The following MAP7 variants were observed in gnomAD, a reference collection of about 807,000 sequenced individuals.
The protein encoded by MAP7 is ensconsin.
In MAP7, 52 loss-of-function variants were observed where a neutral mutation model predicts 94.8. The observed-to-expected ratio is 0.55, with a 90% CI of 0.44 to 0.69. The LOEUF (loss-of-function observed/expected upper bound fraction) is 0.69, where lower values mean the gene tolerates loss of function less well. Among genes scored for constraint, MAP7 ranks in the 30% least tolerant of loss-of-function variants. The probability of loss-of-function intolerance (pLI) is 0.00; values close to 1 mark genes in which losing one functional copy is unlikely to be tolerated. For missense variants in MAP7, 940 were observed against 964.6 expected (o/e 0.97, Z 0.34); for synonymous variants, 350 against 357.0 (o/e 0.98, Z 0.22).
chr6:136,521,684 T>A (rs778462963), intron 1 of MAP7, among the ~76,000 whole-genome samples: 3 of 152,174 alleles, frequency 2.0e-5, no homozygotes, highest in African/African-American at 4.8e-5. Flanking sequence ...AAACATTGTG[T>A]GGATGTCTTG....
At chr6:136,431,492 C>CTTTATTTATTTATTTA (rs10562140) in intron 1 of MAP7, among the ~76,000 whole-genome samples, 43 of 145,460 alleles carry the variant, frequency 3.0e-4, no homozygotes, top group Admixed American at 6.2e-4. Context: ...CTTTTTAATG[C>CTTTATTTATTTATTTA]TTTATTTATT....
chr6:136,354,779 A>G (rs1381852045), intron 16 of MAP7, among the ~76,000 whole-genome samples: 5 of 152,216 alleles, frequency 3.3e-5, no homozygotes, highest in Non-Finnish European at 7.3e-5. Flanking sequence ...AGGCTAAAAT[A>G]TAACAGAATT....
At chr6:136,388,306 T>A (rs555118982) in intron 5 of MAP7, 87 bp downstream of exon 5, 1 of 983,250 alleles carries the variant, frequency 1.0e-6, no homozygotes, top group South Asian at 1.6e-5. Context: ...GATTTTTGTT[T>A]CGCAAACATA....
chr6:136,511,749 T>G (rs1276183996), intron 1 of MAP7, among the ~76,000 whole-genome samples: 1 of 152,226 alleles, frequency 6.6e-6, no homozygotes, highest in Admixed American at 6.5e-5. Context: ...GATTTGTGTA[T>G]GCAAGTTCTC....
chr6:136,457,978 A>C (rs1803904320), intron 1 of MAP7, among the ~76,000 whole-genome samples: 1 of 152,178 alleles, frequency 6.6e-6, no homozygotes, highest in Non-Finnish European at 1.5e-5. Flanking sequence ...TAAGCACTGA[A>C]AAGGAAGAAG....
rs1291800738 is a variant in MAP7, at chr6:136,367,593, A to T, written c.877-1154T>A. 2.6e-5 allele frequency among the ~76,000 whole-genome samples: 4 copies of T among 152,222 alleles called. No homozygotes were observed. In the East Asian group the frequency reaches 7.7e-4, roughly 29 times the overall value. ...GAGGAGCAAAAACATTTAAGTGTCA[A>T]ATAATGCTCATTGTCTCCCTGGGAT... On this transcript the variant is annotated intron_variant, in intron 8 of 17. Coordinates refer to ENST00000354570, the MANE Select transcript of MAP7 (RefSeq NM_003980.6).
intron 10 of MAP7, 109 bp from the exon 11 acceptor site, chr6:136,362,811 A>G (rs1296736287): frequency 2.7e-6 from 4 of 1,466,870 alleles, no homozygotes; most frequent in Non-Finnish European, 3.6e-6. Context: ...TTATGAAAGA[A>G]AAGGGAATGT....
chr6:136,525,022 T>G (rs1827434841), intron 1 of MAP7, among the ~76,000 whole-genome samples: 1 of 152,166 alleles, frequency 6.6e-6, no homozygotes, highest in East Asian at 1.9e-4. Flanking sequence ...GCCTTAAAGC[T>G]CCTTTTTCAA....
chr6:136,435,015 T>C (rs1013845423), intron 1 of MAP7, among the ~76,000 whole-genome samples: 1 of 152,228 alleles, frequency 6.6e-6, no homozygotes, highest in Admixed American at 6.5e-5. Context: ...GCCTAAGCTA[T>C]GGGCCCTTTG....
At chr6:136,505,312 T>G (rs991335996) in intron 1 of MAP7, among the ~76,000 whole-genome samples, 2 of 136,318 alleles carry the variant, frequency 1.5e-5, no homozygotes, top group African/African-American at 5.7e-5. Flanking sequence ...TATATATATA[T>G]AGTAAAATTA....
chr6:136,525,978 GTTTT>G, intron 1 of MAP7: 2 of 1,230,564 alleles, frequency 1.6e-6, no homozygotes, highest in East Asian at 2.8e-5. Context: ...GCTGCTACTT[GTTTT>G]TTTTTTTTTT....
At chr6:136,404,017 A>G (rs551995620) in intron 3 of MAP7, among the ~76,000 whole-genome samples, 9 of 152,318 alleles carry the variant, frequency 5.9e-5, no homozygotes, top group Admixed American at 4.6e-4. Context: ...AGATATTTGG[A>G]TTAGAAAGAT....
intron 16 of MAP7, among the ~76,000 whole-genome samples, chr6:136,352,190 ATT>A (rs60677576): frequency 3.0e-4 from 42 of 137,876 alleles, no homozygotes; most frequent in African/African-American, 7.6e-4. Context: ...TGCTATTCGT[ATT>A]TTTTTTTTTT....
intron 3 of MAP7, among the ~76,000 whole-genome samples, chr6:136,406,936 C>T (rs1785805924): frequency 6.6e-6 from 1 of 152,236 alleles, no homozygotes; most frequent in Admixed American, 6.5e-5. Flanking sequence ...CTTCCTTTGG[C>T]TAACTCATCA....
Position 136,383,715 on chromosome 6 carries a change from C to T in MAP7, c.593G>A (p.Arg198Gln), listed in dbSNP as rs781603779. Residue 198 changes from arginine to glutamine, a missense_variant, in exon 6 of 18, where the codon CGG becomes CAG. Arg to Gln is a conservative substitution (Grantham distance 43). Coordinates refer to ENST00000354570, the MANE Select transcript of MAP7 (RefSeq NM_003980.6). The part of the protein sequence containing the change: ...SKYVDPVISK[R>Q]LSSSSATLLN... ...TAAAGTTGCAGATGAAGAGGAGAGC[C>T]GCTTGCTAATGACGGGATCAACATA... The T allele has an allele frequency of 5.0e-6, 8 of 1,610,554 alleles. No homozygotes were observed. The Admixed American group carries it at 5.0e-5, about 10-fold the overall frequency.
At chr6:136,445,998 T>C (rs1169369369) in intron 1 of MAP7, among the ~76,000 whole-genome samples, 1 of 152,236 alleles carries the variant, frequency 6.6e-6, no homozygotes, top group African/African-American at 2.4e-5. Context: ...GGGTATCTTC[T>C]AATTCAATTC....
chr6:136,357,405 T>C (rs4580887), intron 15 of MAP7, among the ~76,000 whole-genome samples: 127,478 of 151,676 alleles, frequency 0.84, 53,646 homozygotes, highest in Admixed American at 0.88. Context: ...AACCTTTATA[T>C]AGGCCAGAGT....
At chr6:136,407,847 G>T (rs1294674345) in intron 3 of MAP7, among the ~76,000 whole-genome samples, 12 of 152,142 alleles carry the variant, frequency 7.9e-5, no homozygotes, top group Non-Finnish European at 1.6e-4. Flanking sequence ...TCTAGCAGAA[G>T]CATCAAAAAT....
chr6:136,455,120 T>C (rs1802478097), intron 1 of MAP7, among the ~76,000 whole-genome samples: 1 of 151,592 alleles, frequency 6.6e-6, no homozygotes, highest in Non-Finnish European at 1.5e-5. Flanking sequence ...TCATCTTTCA[T>C]CTAGTGTGTA....
Sources: allele counts gnomAD v4.1 joint callset (sites outside exome capture counted in the v4.1 genomes callset), GRCh38; gene constraint gnomAD v4.1.1; transcripts MANE v1.5; gene names NCBI Gene and HGNC (gene_info 2026-07-23, HGNC 2026-07-21).